EFHD2: variants seen among roughly 807,000 people sequenced by gnomAD.
The protein encoded by EFHD2 is EF-hand domain family member D2.
A neutral mutation model predicts 20.3 loss-of-function variants in EFHD2; 12 were observed. The ratio of observed to expected loss-of-function variants is 0.59; its 90% CI spans 0.38 to 0.96. EFHD2 has a LOEUF of 0.96. Ranked by LOEUF, EFHD2 falls within the 40% of genes least tolerant of loss-of-function variation. The pLI is 0.00. For missense variants in EFHD2, 250 were observed against 334.3 expected (o/e 0.75, Z 1.97); for synonymous variants, 131 against 143.9 (o/e 0.91, Z 0.64).
chr1:15,409,948 A>C lies in EFHD2; in HGVS notation c.-24A>C. ...CTGCGCTGAGAGCAGGGGCCCGGCC[A>C]AGGCGAGTGCCGCGCGGGCCACCAT... On this transcript the variant is annotated 5_prime_UTR_variant, in exon 1 of 4. Transcript: ENST00000375980. 1 of 1,225,902 alleles carries C rather than the reference A, an allele frequency of 8.2e-7. No individual in the cohort carries two copies. The highest frequency in any genetic ancestry group is 1.0e-6 in the Non-Finnish European group (1 of 987,068). 75.9% of individuals were successfully genotyped at this position (1,225,902 alleles called of 1,614,324 possible). A position where few individuals can be genotyped will look rare whatever the true frequency, so the allele number is the denominator to read the frequency against.
At chr1:15,423,144 C>G (rs1426217016) in intron 1 of EFHD2, among the ~76,000 whole-genome samples, 1 of 152,222 alleles carries the variant, frequency 6.6e-6, no homozygotes, top group Non-Finnish European at 1.5e-5. Context: ...GGCGCCTCCG[C>G]TGTGCCCCCC....
chr1:15,424,192 A>G (rs952396887), intron 1 of EFHD2, among the ~76,000 whole-genome samples: 4 of 151,976 alleles, frequency 2.6e-5, no homozygotes, highest in African/African-American at 9.7e-5. Flanking sequence ...AGAAAAAAAA[A>G]AAAAAGAAAA....
chr1:15,425,748 A>C, intron 1 of EFHD2, 123 bp from the exon 2 acceptor site: 2 of 1,399,202 alleles, frequency 1.4e-6, no homozygotes, highest in Non-Finnish European at 1.9e-6. Context: ...GGTCCCTTCC[A>C]ACAGTGACGG....
Position 15,422,166 on chromosome 1 carries a change from C to T in EFHD2, c.309-3705C>T, listed in dbSNP as rs1177607035. ...GGAGTGCAGTGGTGCCATCTCAGCT[C>T]ATTGCAACCTCCACCTCCTGTGTTT... On this transcript the variant is annotated intron_variant, in intron 1 of 3. Coordinates refer to ENST00000375980, the MANE Select transcript of EFHD2 (RefSeq NM_024329.6). Among the ~76,000 whole-genome samples, 3 of 145,578 alleles carry T rather than the reference C, an allele frequency of 2.1e-5. No individual in the cohort carries two copies. The Admixed American group carries it at 2.1e-4, about 10-fold the overall frequency.
chr1:15,427,346 G>C, intron 3 of EFHD2, 62 bp downstream of exon 3: 1 of 1,552,286 alleles, frequency 6.4e-7, no homozygotes, highest in Non-Finnish European at 8.7e-7. Flanking sequence ...GGGTTGGTGC[G>C]AAGTTAATAG....
intron 1 of EFHD2, among the ~76,000 whole-genome samples, chr1:15,424,192 A>AG (rs1359307394): frequency 6.6e-6 from 1 of 151,976 alleles, no homozygotes; most frequent in African/African-American, 2.4e-5. Flanking sequence ...AGAAAAAAAA[A>AG]AAAAAGAAAA....
At chr1:15,417,706 G>A (rs1707700925) in intron 1 of EFHD2, among the ~76,000 whole-genome samples, 1 of 152,208 alleles carries the variant, frequency 6.6e-6, no homozygotes, top group Non-Finnish European at 1.5e-5. Flanking sequence ...GTCTGGGGGT[G>A]GGGACATGCA....
intron 1 of EFHD2, 90 bp from the exon 2 acceptor site, chr1:15,425,781 G>T (rs929382992): frequency 1.3e-6 from 2 of 1,514,242 alleles, no homozygotes; most frequent in Admixed American, 4.6e-5. Context: ...GGTAGGAGAT[G>T]CCCTCTGATC....
At chr1:15,427,959 T>C (rs1707901489) in intron 3 of EFHD2, 1 of 470,624 alleles carries the variant, frequency 2.1e-6, no homozygotes, top group Admixed American at 2.3e-5. Flanking sequence ...TGGCAGCAGC[T>C]TGAGCGACTC....
intron 1 of EFHD2, among the ~76,000 whole-genome samples, chr1:15,418,442 A>T (rs1283516113): frequency 1.3e-5 from 2 of 150,634 alleles, no homozygotes; most frequent in African/African-American, 2.5e-5. Flanking sequence ...AGTAGCTGGG[A>T]CTACAGGCGC....
Position 15,425,852 on chromosome 1 carries a change from T to C in EFHD2, c.309-19T>C, listed in dbSNP as rs1479071115. ...TGACTGAGCCAGTGCCAAGATGTCCTCTCTTTTTGCATCTGCAGGTATGAT... is the reference window on the plus strand; with the variant it reads ...TGACTGAGCCAGTGCCAAGATGTCCCCTCTTTTTGCATCTGCAGGTATGAT... On this transcript the variant is annotated intron_variant, in intron 1 of 3. Coordinates refer to ENST00000375980, the MANE Select transcript of EFHD2 (RefSeq NM_024329.6). The C allele has an allele frequency of 6.2e-7, 1 of 1,603,614 alleles. No homozygotes were observed. The highest frequency in any genetic ancestry group is 8.5e-7 in the Non-Finnish European group (1 of 1,176,170).
chr1:15,422,815 T>C (rs571582978), intron 1 of EFHD2, among the ~76,000 whole-genome samples: 2 of 151,828 alleles, frequency 1.3e-5, no homozygotes, highest in Non-Finnish European at 2.9e-5. Flanking sequence ...GAGCCAAGAT[T>C]GCGCCACTGC....
rs748912318 is a variant in EFHD2 at position 15,427,233 on chromosome 1, C to T, written c.540C>T (p.Ile180=). The change falls in exon 3 of 4, where the codon ATC becomes ATT. Residue 180 remains isoleucine (I), a synonymous_variant. Transcript: ENST00000375980. ...GLCVLARLSE[I]DVSSEGVKGA... ...GCGTGCTGGCCCGCCTCTCTGAGAT[C>T]GACGTCTCCAGTGAGGGTGTCAAGG... 1.2e-6 allele frequency: 2 copies of T among 1,609,060 alleles called. No homozygotes were observed. The highest frequency in any genetic ancestry group is 2.2e-5 in the East Asian group (1 of 44,734).
rs1249472836 is a variant in EFHD2, at chr1:15,413,014, T to C, written c.308+2735T>C. ...CCGGGTGAGGGTGGAAAGCTGCAGA[T>C]TGTGTATTCAAGGAAACAACGCTTC... On this transcript the variant is annotated intron_variant, in intron 1 of 3. Coordinates refer to ENST00000375980, the MANE Select transcript of EFHD2 (RefSeq NM_024329.6). This position sits in a 1 kb window ranked among gnomAD's most constrained non-coding sequence, Gnocchi z 4.4. Among the ~76,000 whole-genome samples, 1 of 152,058 alleles carries C rather than the reference T, an allele frequency of 6.6e-6. No homozygotes were observed. Among genetic ancestry groups the C allele is most frequent in the South Asian group, 2.1e-4 (1 of 4,826 alleles).
At position 15,428,710 on chromosome 1, in the gene EFHD2, T is replaced by C. The variant is rs1475514894; in HGVS notation, c.709T>C (p.Ser237Pro). Residue 237 changes from serine (S) to proline (P), a missense_variant, in exon 4 of 4, where the codon TCC becomes CCC. Physicochemically the swap from Ser to Pro is moderately conservative, Grantham distance 74. Transcript: ENST00000375980. ...GAAAGCGGCCTTCAAGGAGCTGCAGTCCACCTTTAAGTAGCGGGGGCTGCA... is the reference window on the plus strand; with the variant it reads ...GAAAGCGGCCTTCAAGGAGCTGCAGCCCACCTTTAAGTAGCGGGGGCTGCA... ...QRKAAFKELQ[S>P]TFK 2 of 1,591,448 alleles carry C rather than the reference T, an allele frequency of 1.3e-6. No homozygotes were observed. Among genetic ancestry groups the C allele is most frequent in the South Asian group, 1.1e-5 (1 of 87,978 alleles).
rs969166090 is a variant in EFHD2, at chr1:15,410,045, C to T, written c.74C>T (p.Pro25Leu). The T allele has an allele frequency of 6.9e-6, 9 of 1,301,864 alleles. No homozygotes were observed. Among genetic ancestry groups the T allele is most frequent in the Non-Finnish European group, 6.8e-6 (7 of 1,028,052 alleles). The allele number at this position is 1,301,864 out of a possible 1,614,324, so 80.6% of individuals were successfully genotyped here. ...GAGGGCGAGGGCGGCGGCGAGACCC[C>T]GGAGCAGCCCGGGCTGAACGGGGCA... is the stretch of plus-strand genomic sequence containing the variant. The part of the protein sequence containing the change: ...QMEGEGGGET[P>L]EQPGLNGAAA... Residue 25 changes from proline to leucine, a missense_variant, in exon 1 of 4, where the codon CCG (proline) becomes CTG (leucine). Pro to Leu is a moderately conservative substitution (Grantham distance 98, BLOSUM62 -3). Transcript: ENST00000375980.
At position 15,428,817 on chromosome 1, in the gene EFHD2, A is replaced by G; in HGVS notation, c.*93A>G. The G allele has an allele frequency of 6.6e-7, 1 of 1,524,436 alleles. No individual in the cohort carries two copies. Among genetic ancestry groups the G allele is most frequent in the Non-Finnish European group, 8.9e-7 (1 of 1,129,632 alleles). 94.4% of individuals were successfully genotyped at this position (1,524,436 alleles called of 1,614,324 possible). On this transcript the variant is annotated 3_prime_UTR_variant, in exon 4 of 4. Coordinates refer to ENST00000375980, the MANE Select transcript of EFHD2 (RefSeq NM_024329.6). ...GAGCCTGAATCCTTGCCTGTGTCTGACGGGACCACTACTAAAAACCTAAAA... is the reference window on the plus strand; with the variant it reads ...GAGCCTGAATCCTTGCCTGTGTCTGGCGGGACCACTACTAAAAACCTAAAA...
chr1:15,426,852 G>A lies in EFHD2; in HGVS notation c.457-298G>A, dbSNP rs535780373. On this transcript the variant is annotated intron_variant, in intron 2 of 3. Transcript: ENST00000375980. This position sits in a 1 kb window ranked among gnomAD's most constrained non-coding sequence, Gnocchi z 4.6. ...CAGAGTAGGTTCACTGGGCAACAGC[G>A]GGAGACAGAGGTAAGAGGTAGGCTG... 4.7e-4 allele frequency among the ~76,000 whole-genome samples: 72 copies of A among 152,298 alleles called. No individual in the cohort carries two copies. The highest frequency in any genetic ancestry group is 1.7e-3 in the African/African-American group (71 of 41,564).
At chr1:15,416,099 C>T (rs1193392334) in intron 1 of EFHD2, among the ~76,000 whole-genome samples, 4 of 152,176 alleles carry the variant, frequency 2.6e-5, no homozygotes, top group African/African-American at 7.2e-5. Flanking sequence ...CCCACTTCCA[C>T]TATGCATCAG....
Sources: gnomAD v4.1 joint callset for allele counts (sites outside exome capture counted in the v4.1 genomes callset) on GRCh38, gnomAD v4.1.1 for gene constraint, Gnocchi (gnomAD v3.1) non-coding constraint, MANE v1.5 for transcripts, NCBI Gene and HGNC (gene_info 2026-07-23, HGNC 2026-07-21) for gene names.